CSNK1G3: variants seen among roughly 807,000 people sequenced by gnomAD.
CSNK1G3 encodes casein kinase I isoform gamma-3.
Under a neutral mutation model 64.3 loss-of-function variants are expected in CSNK1G3, and 23 were observed. The ratio of observed to expected loss-of-function variants is 0.36; its 90% CI spans 0.26 to 0.51. CSNK1G3 has a LOEUF of 0.51. CSNK1G3 is among the 20% of genes least tolerant of loss of function. CSNK1G3 has a pLI of 0.96. For synonymous variants in CSNK1G3, 158 were observed against 162.2 expected, an observed-to-expected ratio of 0.97 and a Z score of 0.20; for missense variants, 357 against 510.5, an observed-to-expected ratio of 0.70 and a Z score of 2.90.
chr5:123,565,688 G>T (rs901639452), intron 4 of CSNK1G3, among the ~76,000 whole-genome samples: 9 of 152,148 alleles, frequency 5.9e-5, no homozygotes, highest in Admixed American at 1.3e-4. Flanking sequence ...AGGAAGCATG[G>T]TGCCAGGCAT....
intron 4 of CSNK1G3, among the ~76,000 whole-genome samples, chr5:123,570,346 C>CTTTTTT (rs370362447): frequency 3.5e-4 from 46 of 130,516 alleles, no homozygotes; most frequent in South Asian, 7.5e-4. Context: ...ACAGTCCTTT[C>CTTTTTT]TTTTTTTTTT....
At chr5:123,601,147 T>G (rs1005213107) in intron 10 of CSNK1G3, among the ~76,000 whole-genome samples, 3 of 152,304 alleles carry the variant, frequency 2.0e-5, no homozygotes, top group Non-Finnish European at 2.9e-5. Flanking sequence ...AATGTCACTT[T>G]AATAGAATTA....
In CSNK1G3 at chr5:123,591,108, A is replaced by G. The variant is rs1419039638; in HGVS notation, c.991-211A>G. 3.9e-5 allele frequency among the ~76,000 whole-genome samples: 6 copies of G among 152,052 alleles called. No individual in the cohort carries two copies. In the South Asian group the frequency reaches 1.2e-3, roughly 32 times the overall value. ...AATAAGTACTTTATAAAGAATTTGA[A>G]TATTTTAAAAACACTTTAAAAAGTA... On this transcript the variant is annotated intron_variant, in intron 9 of 12. Coordinates refer to ENST00000345990, the Ensembl canonical transcript of CSNK1G3.
intron 2 of CSNK1G3, among the ~76,000 whole-genome samples, chr5:123,548,923 G>A (rs184798837): frequency 7.2e-5 from 11 of 152,264 alleles, no homozygotes; most frequent in Middle Eastern, 3.4e-3. Context: ...AACACAGTAC[G>A]CTGTACAATA....
At chr5:123,591,471 T>A (rs1047679388) in intron 10 of CSNK1G3, 57 bp downstream of exon 10, 8 of 1,092,302 alleles carry the variant, frequency 7.3e-6, no homozygotes, top group Non-Finnish European at 9.5e-6. Context: ...CATACACTTT[T>A]TTCTTCAATA....
At chr5:123,596,105 AAAATT>A (rs1294114552) in intron 10 of CSNK1G3, among the ~76,000 whole-genome samples, 4 of 152,180 alleles carry the variant, frequency 2.6e-5, no homozygotes, top group African/African-American at 9.6e-5. Flanking sequence ...TTGAGTTCTA[AAAATT>A]AAATTATGAT....
chr5:123,519,791 A>G (rs946476263), intron 1 of CSNK1G3, among the ~76,000 whole-genome samples: 15 of 152,214 alleles, frequency 9.9e-5, no homozygotes, highest in African/African-American at 3.6e-4. Flanking sequence ...TCATAGGAAG[A>G]TTGAAATGCT....
At chr5:123,546,508 A>C (rs1782542946) in intron 2 of CSNK1G3, among the ~76,000 whole-genome samples, 1 of 152,118 alleles carries the variant, frequency 6.6e-6, no homozygotes, top group South Asian at 2.1e-4. Flanking sequence ...TAACAAGCTC[A>C]GGATCAAAAT....
chr5:123,570,735 T>G (rs895205389), intron 4 of CSNK1G3, among the ~76,000 whole-genome samples: 1 of 152,214 alleles, frequency 6.6e-6, no homozygotes, highest in African/African-American at 2.4e-5. Flanking sequence ...TTGATCTGGT[T>G]TCCATGCACC....
intron 4 of CSNK1G3, among the ~76,000 whole-genome samples, chr5:123,563,526 T>G (rs1156926473): frequency 1.3e-5 from 2 of 152,098 alleles, no homozygotes; most frequent in African/African-American, 4.8e-5. Flanking sequence ...TTTCACTTTA[T>G]TTTTAAGATG....
intron 1 of CSNK1G3, among the ~76,000 whole-genome samples, chr5:123,518,817 TAGAG>T (rs1286060315): frequency 6.6e-6 from 1 of 152,158 alleles, no homozygotes; most frequent in Non-Finnish European, 1.5e-5. Context: ...ATATGGATGT[TAGAG>T]AGATGATAAA....
At chr5:123,560,715 G>A (rs943412874) in intron 4 of CSNK1G3, among the ~76,000 whole-genome samples, 18 of 151,994 alleles carry the variant, frequency 1.2e-4, no homozygotes, top group African/African-American at 4.1e-4. Context: ...GAAATAAGGC[G>A]GTCACAAAAG....
intron 2 of CSNK1G3, among the ~76,000 whole-genome samples, chr5:123,546,879 A>G (rs931205392): frequency 3.3e-5 from 5 of 152,144 alleles, no homozygotes. Context: ...AGGCAATGAT[A>G]TAGTTTATAC....
intron 6 of CSNK1G3, among the ~76,000 whole-genome samples, chr5:123,587,588 A>G (rs1323493150): frequency 3.3e-5 from 5 of 152,216 alleles, no homozygotes; most frequent in South Asian, 2.1e-4. Flanking sequence ...TATTACACAC[A>G]ATACTCCATA....
intron 1 of CSNK1G3, among the ~76,000 whole-genome samples, chr5:123,535,191 ACTCTT>A (rs1780589957): frequency 6.6e-6 from 1 of 152,090 alleles, no homozygotes; most frequent in Non-Finnish European, 1.5e-5. Flanking sequence ...CAACTATTCA[ACTCTT>A]CTCTTGTAGC....
At chr5:123,609,069 T>C (rs1025718009) in intron 12 of CSNK1G3, among the ~76,000 whole-genome samples, 1 of 152,146 alleles carries the variant, frequency 6.6e-6, no homozygotes, top group African/African-American at 2.4e-5. Context: ...AAGGAAAGAA[T>C]TGAACCAGTT....
intron 1 of CSNK1G3, among the ~76,000 whole-genome samples, chr5:123,529,358 T>C (rs573509003): frequency 6.6e-6 from 1 of 152,206 alleles, no homozygotes; most frequent in Non-Finnish European, 1.5e-5. Context: ...AAAACATAAC[T>C]GCTAATAAAT....
intron 1 of CSNK1G3, among the ~76,000 whole-genome samples, chr5:123,526,636 C>G (rs867541531): frequency 8.5e-5 from 13 of 152,090 alleles, no homozygotes; most frequent in African/African-American, 3.1e-4. Flanking sequence ...TTTGCTTTTT[C>G]TAGAATATCA....
At chr5:123,516,183 C>T (rs576887231) in intron 1 of CSNK1G3, among the ~76,000 whole-genome samples, 1 of 152,162 alleles carries the variant, frequency 6.6e-6, no homozygotes, top group Non-Finnish European at 1.5e-5. Flanking sequence ...AGGTATCTGT[C>T]TTTAATTGTG....
Sources: allele counts gnomAD v4.1 joint callset (sites outside exome capture counted in the v4.1 genomes callset), GRCh38; gene constraint gnomAD v4.1.1; transcripts MANE v1.5; gene names NCBI Gene and HGNC (gene_info 2026-07-23, HGNC 2026-07-21).